The following PCLO variants were observed in gnomAD, a reference collection of about 807,000 sequenced individuals.
PCLO encodes the protein piccolo presynaptic cytomatrix protein, also known as protein piccolo.
PCLO carries 82 observed loss-of-function variants against 427.5 expected under a neutral mutation model. That is an observed-to-expected ratio of 0.19 (90% confidence interval 0.16 to 0.23). The LOEUF is 0.23. Among genes scored for constraint, PCLO ranks in the 10% least tolerant of loss-of-function variants. PCLO has a pLI of 1.00. For missense variants in PCLO, 6,239 were observed against 6,115.9 expected (o/e 1.02, Z -0.67); for synonymous variants, 2,357 against 2,155.4 (o/e 1.09, Z -2.59).
At chr7:83,026,022 G>A (rs969363301) in intron 3 of PCLO, among the ~76,000 whole-genome samples, 53 of 151,976 alleles carry the variant, frequency 3.5e-4, no homozygotes, top group Middle Eastern at 3.4e-3. Context: ...AAAGACCATC[G>A]AGACTAGGAA....
chr7:82,932,379 T>C (rs1287389514), intron 6 of PCLO, among the ~76,000 whole-genome samples: 1 of 151,772 alleles, frequency 6.6e-6, no homozygotes, highest in Non-Finnish European at 1.5e-5. Context: ...ATAAAAGCGG[T>C]GGATATAGGA....
chr7:82,884,725 G>T (rs1307284639), intron 9 of PCLO, among the ~76,000 whole-genome samples: 3 of 152,110 alleles, frequency 2.0e-5, no homozygotes, highest in Non-Finnish European at 4.4e-5. Flanking sequence ...GGAAAATAGG[G>T]TCACTTTATA....
Position 82,998,836 on chromosome 7 carries a change from G to A in PCLO, c.3301-32349C>T, listed in dbSNP as rs1253258675. Among the ~76,000 whole-genome samples the A allele has an allele frequency of 7.9e-5, 12 of 151,628 alleles. No homozygotes were observed. In the Admixed American group the frequency reaches 7.9e-4, roughly 10 times the overall value. ...AAAAACAACAGTTTGAAAAGACAGAGCAAGCACAAGAACCAGGCATGGCAG... is the reference window on the plus strand; with the variant it reads ...AAAAACAACAGTTTGAAAAGACAGAACAAGCACAAGAACCAGGCATGGCAG... On this transcript the variant is annotated intron_variant, in intron 3 of 24. Coordinates refer to ENST00000333891, the MANE Select transcript of PCLO (RefSeq NM_033026.6).
Position 82,794,459 on chromosome 7 carries a change from C to CTTTTTTTTTTTTTTTTTTTTTTT in PCLO, c.15007+7036_15007+7058dup, listed in dbSNP as rs778108792. ...ACATGCTAGTTCATAAATTTTTTTT[C>CTTTTTTTTTTTTTTTTTTTTTTT]TTTTTTTTTTTTTTTTTTTTTTTTT... On this transcript the variant is annotated intron_variant, in intron 22 of 24. Coordinates refer to ENST00000333891, the MANE Select transcript of PCLO (RefSeq NM_033026.6). 6.9e-4 allele frequency among the ~76,000 whole-genome samples: 39 copies of CTTTTTTTTTTTTTTTTTTTTTTT among 56,368 alleles called. 14 individuals are homozygous for CTTTTTTTTTTTTTTTTTTTTTTT. The highest frequency in any genetic ancestry group is 2.8e-3 in the South Asian group (2 of 710). The allele number at this position is 56,368 out of a possible 152,430, so 37.0% of individuals were successfully genotyped here.
intron 3 of PCLO, among the ~76,000 whole-genome samples, chr7:83,021,413 G>A (rs1408578605): frequency 6.6e-6 from 1 of 152,068 alleles, no homozygotes; most frequent in Non-Finnish European, 1.5e-5. Flanking sequence ...TATTGGCACT[G>A]TGATTTTGGA....
chr7:83,126,908 A>G (rs1007075414), intron 3 of PCLO, among the ~76,000 whole-genome samples: 12 of 152,162 alleles, frequency 7.9e-5, no homozygotes, highest in Non-Finnish European at 1.3e-4. Context: ...TTAATGTAGG[A>G]AAAAAGAGAT....
intron 22 of PCLO, among the ~76,000 whole-genome samples, chr7:82,779,045 A>C (rs1583964910): frequency 6.6e-6 from 1 of 152,162 alleles, no homozygotes; most frequent in Admixed American, 6.5e-5. Context: ...TTAACATATC[A>C]ATCTTCATGA....
Position 83,127,117 on chromosome 7 carries a change from T to C in PCLO, c.3300+7133A>G, listed in dbSNP as rs540915747. Among the ~76,000 whole-genome samples, 6 of 152,170 alleles carry C rather than the reference T, an allele frequency of 3.9e-5. No individual in the cohort carries two copies. The East Asian group carries it at 1.2e-3, about 29-fold the overall frequency. On this transcript the variant is annotated intron_variant, in intron 3 of 24. Transcript: ENST00000333891. Reference sequence around the variant, plus strand: ...AACAAGAGCTAGAAACACTCCCAATTTGTTAGTTTTCAAGAGGAGAATGTC... The same window carrying C: ...AACAAGAGCTAGAAACACTCCCAATCTGTTAGTTTTCAAGAGGAGAATGTC...
At chr7:83,153,706 C>G (rs1343757917) in intron 2 of PCLO, among the ~76,000 whole-genome samples, 1 of 152,292 alleles carries the variant, frequency 6.6e-6, no homozygotes, top group East Asian at 1.9e-4. Context: ...CCCTCATATT[C>G]TCTTAGAGCC....
chr7:82,944,996 A>C (rs1253480859), intron 6 of PCLO, among the ~76,000 whole-genome samples: 2 of 152,184 alleles, frequency 1.3e-5, no homozygotes, highest in Non-Finnish European at 2.9e-5. Flanking sequence ...CTTTCATTAA[A>C]ATGTACACTT....
intron 9 of PCLO, among the ~76,000 whole-genome samples, chr7:82,895,708 T>C (rs7807140): frequency 0.013 from 1,915 of 151,962 alleles, 45 homozygotes; most frequent in African/African-American, 0.043. Context: ...TTATAAAACA[T>C]AGGTGAAATG....
rs138118401 is a variant in PCLO at position 82,839,529 on chromosome 7, C to G, written c.14098-1187G>C. ...TCATGCAGCAACTGTATGCTATAATCTGGTACTGAAATACAGAATATAAAA... is the reference window on the plus strand; with the variant it reads ...TCATGCAGCAACTGTATGCTATAATGTGGTACTGAAATACAGAATATAAAA... On this transcript the variant is annotated intron_variant, in intron 14 of 24. Transcript: ENST00000333891. Among the ~76,000 whole-genome samples the G allele has an allele frequency of 3.0e-3, 458 of 152,168 alleles. 2 individuals carry two copies. The highest frequency in any genetic ancestry group is 9.4e-3 in the African/African-American group (389 of 41,554).
At chr7:82,966,789 G>GA (rs969770611) in intron 3 of PCLO, among the ~76,000 whole-genome samples, 5 of 151,814 alleles carry the variant, frequency 3.3e-5, no homozygotes, top group Non-Finnish European at 5.9e-5. Context: ...TTTTCAGGAA[G>GA]AAAAAAAATC....
At chr7:82,820,673 CAAAATCCACTAAATTTTTAA>C (rs998251326) in intron 20 of PCLO, 2 of 1,230,302 alleles carry the variant, frequency 1.6e-6, no homozygotes, top group African/African-American at 3.1e-5. Flanking sequence ...TAAGAATTTT[CAAAATCCACTAAATTTTTAA>C]AAGTTACACT....
chr7:82,916,866 C>T lies in PCLO; in HGVS notation c.11120G>A (p.Gly3707Asp). The change falls in exon 7 of 25, where the codon GGT becomes GAT. Residue 3707 changes from glycine to aspartate, a missense_variant. By Grantham distance (94) the Gly-to-Asp change is moderately conservative. This residue lies in a region of PCLO where 4,677 missense variants were observed against 4,468.4 expected (regional missense o/e 1.05). Coordinates refer to ENST00000333891, the MANE Select transcript of PCLO (RefSeq NM_033026.6). ...TCCAGAGGATGTCATGGTTTGAGAA[C>T]CTTTAGTCTATAATCAAGTAAACAA... Reference protein sequence around the residue: ...FQYTEGYTTKGSQTMTSSGAQ... With the variant: ...FQYTEGYTTKDSQTMTSSGAQ... 1 of 1,609,894 alleles carries T rather than the reference C, an allele frequency of 6.2e-7. No homozygotes were observed. The highest frequency in any genetic ancestry group is 8.5e-7 in the Non-Finnish European group (1 of 1,178,046).
Position 82,936,890 on chromosome 7 carries a change from C to A in PCLO, c.11112+12586G>T, listed in dbSNP as rs137934040. 7.5e-4 allele frequency among the ~76,000 whole-genome samples: 114 copies of A among 151,470 alleles called. 2 individuals carry two copies. The East Asian group carries it at 0.019, about 25-fold the overall frequency. On this transcript the variant is annotated intron_variant, in intron 6 of 24. Transcript: ENST00000333891. The stretch of plus-strand genomic sequence containing the variant: ...AAATGTTATTTGAAGTGAGAGAAGC[C>A]CATGACAAAAGGCCGAATACTGTAT...
At chr7:83,097,800 G>A (rs1040028188) in intron 3 of PCLO, among the ~76,000 whole-genome samples, 7 of 151,540 alleles carry the variant, frequency 4.6e-5, no homozygotes, top group African/African-American at 1.2e-4. Flanking sequence ...ACAAAAGTCC[G>A]TGAGCATGAT....
At chr7:82,769,650 C>T in intron 22 of PCLO, among the ~76,000 whole-genome samples, 1 of 152,034 alleles carries the variant, frequency 6.6e-6, no homozygotes, top group African/African-American at 2.4e-5. Context: ...AGAATGATAC[C>T]TTGTAAACGA....
intron 3 of PCLO, among the ~76,000 whole-genome samples, chr7:83,075,949 G>A (rs182811026): frequency 6.6e-6 from 1 of 151,978 alleles, no homozygotes; most frequent in East Asian, 1.9e-4. Flanking sequence ...ATTTTACACA[G>A]GAAAACTTTT....
Sources: allele counts gnomAD v4.1 joint callset (sites outside exome capture counted in the v4.1 genomes callset), GRCh38; gene constraint gnomAD v4.1.1; regional missense constraint gnomAD v4.1.1; transcripts MANE v1.5; gene names NCBI Gene and HGNC (gene_info 2026-07-23, HGNC 2026-07-21).